ARL15: variants seen among roughly 807,000 people sequenced by gnomAD.
The protein encoded by ARL15 is ARF like GTPase 15.
A neutral mutation model predicts 25.2 loss-of-function variants in ARL15; 19 were observed. That is an observed-to-expected ratio of 0.75 (90% CI 0.53 to 1.10). The LOEUF (loss-of-function observed/expected upper bound fraction) is 1.10, where lower values mean the gene tolerates loss of function less well. Ranked by LOEUF, ARL15 falls within the 50% of genes least tolerant of loss-of-function variation. The probability of loss-of-function intolerance (pLI) is 0.00; values close to 1 mark genes in which losing one functional copy is unlikely to be tolerated. For missense variants in ARL15, 220 were observed against 246.0 expected (o/e 0.89, Z 0.71); for synonymous variants, 94 against 86.8 (o/e 1.08, Z -0.46).
Position 53,961,437 on chromosome 5 carries a change from G to A in ARL15, c.463-74724C>T, listed in dbSNP as rs141547781. On this transcript the variant is annotated intron_variant, in intron 4 of 4. Coordinates refer to ENST00000504924, the MANE Select transcript of ARL15 (RefSeq NM_019087.3). ...TGCTTGAGCCTGGGAGGTGGAGGTT[G>A]CAGTGAGCCAAGGTAGTACTATCGC... Among the ~76,000 whole-genome samples, 463 of 142,408 alleles carry A rather than the reference G, an allele frequency of 3.3e-3. 3 individuals are homozygous for A. Among genetic ancestry groups the A allele is most frequent in the African/African-American group, 0.012 (445 of 37,980 alleles). The allele number at this position is 142,408 out of a possible 152,430, so 93.4% of individuals were successfully genotyped here.
chr5:54,308,153 G>T (rs1758809345), intron 1 of ARL15, among the ~76,000 whole-genome samples: 1 of 152,154 alleles, frequency 6.6e-6, no homozygotes, highest in South Asian at 2.1e-4. Context: ...AGCAAAAGGT[G>T]AACACAAAAA....
At chr5:54,216,626 T>G (rs1471065469) in intron 1 of ARL15, among the ~76,000 whole-genome samples, 3 of 143,860 alleles carry the variant, frequency 2.1e-5, no homozygotes, top group Non-Finnish European at 4.6e-5. Context: ...TATATGTATA[T>G]GTATGTGTAC....
intron 1 of ARL15, among the ~76,000 whole-genome samples, chr5:54,210,142 C>CA (rs1167589531): frequency 1.3e-5 from 2 of 152,042 alleles, no homozygotes; most frequent in Non-Finnish European, 1.5e-5. Flanking sequence ...GTAAAATTAA[C>CA]AAAAATATGC....
intron 4 of ARL15, among the ~76,000 whole-genome samples, chr5:54,078,053 C>T (rs1214915630): frequency 6.6e-6 from 1 of 152,046 alleles, no homozygotes; most frequent in African/African-American, 2.4e-5. Flanking sequence ...ACAGCATTTC[C>T]AGTATTTAAA....
chr5:54,228,169 A>G (rs1181952698), intron 1 of ARL15, among the ~76,000 whole-genome samples: 1 of 152,170 alleles, frequency 6.6e-6, no homozygotes, highest in Non-Finnish European at 1.5e-5. Flanking sequence ...TCTCTGCCTC[A>G]CACATCTCAC....
chr5:53,947,575 T>C (rs539790922), intron 4 of ARL15, among the ~76,000 whole-genome samples: 1 of 152,168 alleles, frequency 6.6e-6, no homozygotes, highest in South Asian at 2.1e-4. Context: ...AGAGCAAAGA[T>C]CCTACCAACA....
At chr5:54,274,156 G>T (rs904122309) in intron 1 of ARL15, among the ~76,000 whole-genome samples, 2 of 152,092 alleles carry the variant, frequency 1.3e-5, no homozygotes, top group Admixed American at 6.5e-5. Context: ...TGTGGTGCCA[G>T]TCACTGAGAA....
intron 4 of ARL15, among the ~76,000 whole-genome samples, chr5:54,044,242 T>TC (rs556858475): frequency 9.4e-6 from 1 of 106,388 alleles, no homozygotes; most frequent in East Asian, 2.0e-4. Context: ...ATTATTTAAT[T>TC]TTTTTTTTTT....
At chr5:54,143,883 C>T (rs1753835455) in intron 3 of ARL15, among the ~76,000 whole-genome samples, 1 of 151,870 alleles carries the variant, frequency 6.6e-6, no homozygotes, top group African/African-American at 2.4e-5. Flanking sequence ...ATATATCATC[C>T]TATTTTTATT....
At chr5:53,917,578 C>T (rs932370696) in intron 4 of ARL15, among the ~76,000 whole-genome samples, 6 of 152,218 alleles carry the variant, frequency 3.9e-5, no homozygotes, top group Non-Finnish European at 8.8e-5. Context: ...ACCTCCTGCT[C>T]CCATTCTGGG....
At chr5:54,176,760 G>A (rs1435705986) in intron 1 of ARL15, among the ~76,000 whole-genome samples, 1 of 152,166 alleles carries the variant, frequency 6.6e-6, no homozygotes, top group African/African-American at 2.4e-5. Flanking sequence ...TTCTTCAGGA[G>A]GATGTTATGA....
intron 1 of ARL15, among the ~76,000 whole-genome samples, chr5:54,190,876 G>A (rs1755378796): frequency 6.6e-6 from 1 of 152,088 alleles, no homozygotes; most frequent in African/African-American, 2.4e-5. Flanking sequence ...AAATGATATA[G>A]CCACTGTGAA....
intron 4 of ARL15, among the ~76,000 whole-genome samples, chr5:53,983,740 G>A (rs1002075632): frequency 7.2e-5 from 11 of 152,178 alleles, no homozygotes; most frequent in Non-Finnish European, 1.6e-4. Context: ...AGGCTAGGGT[G>A]GATGAATCAC....
At chr5:54,145,067 G>T (rs1212041052) in intron 3 of ARL15, among the ~76,000 whole-genome samples, 1 of 151,128 alleles carries the variant, frequency 6.6e-6, no homozygotes, top group Non-Finnish European at 1.5e-5. Context: ...TTAATTTATT[G>T]TTTCTTTTCT....
chr5:53,940,619 T>TA (rs550494668), intron 4 of ARL15, among the ~76,000 whole-genome samples: 164 of 152,288 alleles, frequency 1.1e-3, no homozygotes, highest in African/African-American at 3.7e-3. Flanking sequence ...TCTGGAGAAA[T>TA]AAAAGTCACA....
chr5:54,058,087 C>A (rs979904429), intron 4 of ARL15, among the ~76,000 whole-genome samples: 3 of 151,678 alleles, frequency 2.0e-5, no homozygotes, highest in Admixed American at 1.3e-4. Flanking sequence ...CTCACTGCAA[C>A]CTCCGCCTCC....
chr5:54,135,201 T>G (rs75135655), intron 3 of ARL15, among the ~76,000 whole-genome samples: 1 of 152,192 alleles, frequency 6.6e-6, no homozygotes, highest in African/African-American at 2.4e-5. Flanking sequence ...AAGACATGAC[T>G]AAAAACAGCT....
At chr5:53,992,660 G>C (rs988790197) in intron 4 of ARL15, among the ~76,000 whole-genome samples, 1 of 152,096 alleles carries the variant, frequency 6.6e-6, no homozygotes, top group African/African-American at 2.4e-5. Context: ...CTAATGTCTA[G>C]TACCAACAAT....
intron 1 of ARL15, among the ~76,000 whole-genome samples, chr5:54,255,900 T>C (rs1238596209): frequency 6.6e-6 from 1 of 152,140 alleles, no homozygotes; most frequent in African/African-American, 2.4e-5. Flanking sequence ...TCAAAACCTC[T>C]GGGATACAGC....
Sources: gnomAD v4.1 joint callset for allele counts (sites outside exome capture counted in the v4.1 genomes callset) on GRCh38, gnomAD v4.1.1 for gene constraint, MANE v1.5 for transcripts, NCBI Gene and HGNC (gene_info 2026-07-23, HGNC 2026-07-21) for gene names.